The following MCF2L2 variants were observed in gnomAD, a reference collection of about 807,000 sequenced individuals.
The protein encoded by MCF2L2 is MCF.2 cell line derived transforming sequence-like 2.
A neutral mutation model predicts 150.2 loss-of-function variants in MCF2L2; 102 were observed. That is an observed-to-expected ratio of 0.68 (90% confidence interval 0.58 to 0.80). The LOEUF (loss-of-function observed/expected upper bound fraction) is 0.80, where lower values mean the gene tolerates loss of function less well. MCF2L2 is among the 30% of genes least tolerant of loss of function. The pLI is 0.00. For missense variants in MCF2L2, 1,256 were observed against 1,372.8 expected, an observed-to-expected ratio of 0.91 and a Z score of 1.34; for synonymous variants, 465 against 491.3, an observed-to-expected ratio of 0.95 and a Z score of 0.71.
At chr3:183,362,864 TAAG>T (rs1243989016) in intron 3 of MCF2L2, among the ~76,000 whole-genome samples, 1 of 152,098 alleles carries the variant, frequency 6.6e-6, no homozygotes, top group Admixed American at 6.5e-5. Context: ...TTCAGTAGAA[TAAG>T]AAGACGACAC....
rs932096965 is a variant in MCF2L2, at chr3:183,428,240, G to A, written c.-263C>T. 4 of 445,976 alleles carry A rather than the reference G, an allele frequency of 9.0e-6. No individual in the cohort carries two copies. The highest frequency in any genetic ancestry group is 1.6e-5 in the Non-Finnish European group (4 of 251,578). 27.6% of individuals were successfully genotyped at this position (445,976 alleles called of 1,614,324 possible). ...GAGAGGAGCGGCCGTTCTGCAAAAG[G>A]AAGCAAGTCGCCAATCTCGCCGGAA... is the stretch of plus-strand genomic sequence containing the variant. On this transcript the variant is annotated 5_prime_UTR_variant, in exon 1 of 30. Coordinates refer to ENST00000328913, the MANE Select transcript of MCF2L2 (RefSeq NM_015078.4). The surrounding 1 kb of genome is among the most constrained non-coding windows in gnomAD (Gnocchi z 5.1).
intron 3 of MCF2L2, chr3:183,373,440 T>G (rs1034015244): frequency 6.6e-6 from 1 of 152,204 alleles, no homozygotes; most frequent in African/African-American, 2.4e-5. Flanking sequence ...AGAACTGTGA[T>G]AGCAAAAGTA....
At chr3:183,220,015 G>T in intron 20 of MCF2L2, 91 bp from the exon 21 acceptor site, 1 of 865,516 alleles carries the variant, frequency 1.2e-6, no homozygotes, top group Non-Finnish European at 2.0e-6. Context: ...CAAACTATCT[G>T]CCACCAATGC....
intron 15 of MCF2L2, chr3:183,272,474 T>G (rs1305065763): frequency 4.0e-6 from 4 of 999,464 alleles, no homozygotes; most frequent in Non-Finnish European, 4.8e-6. Flanking sequence ...TGAATGATGA[T>G]ACTTACAATT....
Position 183,229,928 on chromosome 3 carries a change from C to A in MCF2L2, c.1930-147G>T, listed in dbSNP as rs1266040701. The A allele has an allele frequency of 9.3e-6, 4 of 429,600 alleles. No homozygotes were observed. The Admixed American group carries it at 1.3e-4, about 14-fold the overall frequency. 26.6% of individuals were successfully genotyped at this position (429,600 alleles called of 1,614,324 possible). A position where few individuals can be genotyped will look rare whatever the true frequency, so the allele number is the denominator to read the frequency against. ...TGAAAGCTATCGTATTGAGTACTTT[C>A]TTTTGATATCATTTTCCTCATGTGC... On this transcript the variant is annotated intron_variant, in intron 16 of 29. Coordinates refer to ENST00000328913, the MANE Select transcript of MCF2L2 (RefSeq NM_015078.4).
intron 15 of MCF2L2, among the ~76,000 whole-genome samples, chr3:183,231,834 C>A (rs969821002): frequency 6.6e-6 from 1 of 152,156 alleles, no homozygotes; most frequent in Non-Finnish European, 1.5e-5. Flanking sequence ...CTTCCTCTGG[C>A]ATTGGATGTT....
rs769214520 is a variant in MCF2L2, at chr3:183,341,550, G to A, written c.356C>T (p.Thr119Ile). The change falls in exon 4 of 30, where the codon ACA becomes ATA. Residue 119 changes from threonine (T) to isoleucine (I), a missense_variant. Physicochemically the swap from Thr to Ile is moderately conservative, Grantham distance 89. Coordinates refer to ENST00000328913, the MANE Select transcript of MCF2L2 (RefSeq NM_015078.4). ...AAAATAAATATTTACAGCTATTCGT[G>A]TCAAGGATGCCTTTACGGAGCTCCA... Reference protein sequence around the residue: ...DKWSSVKASLTRIAVAFPGNL... With the variant: ...DKWSSVKASLIRIAVAFPGNL... The A allele has an allele frequency of 1.2e-6, 2 of 1,610,968 alleles. No homozygotes were observed. Among genetic ancestry groups the A allele is most frequent in the Non-Finnish European group, 1.7e-6 (2 of 1,177,106 alleles).
chr3:183,207,658 G>A lies in MCF2L2; in HGVS notation c.2662C>T (p.Pro888Ser). The A allele has an allele frequency of 6.2e-7, 1 of 1,614,180 alleles. No individual in the cohort carries two copies. Among genetic ancestry groups the A allele is most frequent in the East Asian group, 2.2e-5 (1 of 44,890 alleles). The change falls in exon 23 of 30, where the codon CCT (proline) becomes TCT (serine). Residue 888 changes from proline (P) to serine (S), a missense_variant. By Grantham distance (74) the Pro-to-Ser change is moderately conservative. Coordinates refer to ENST00000328913, the MANE Select transcript of MCF2L2 (RefSeq NM_015078.4). Reference protein sequence around the residue: ...GIVFCKIRMEPGDQGLSPHYS... With the variant: ...GIVFCKIRMESGDQGLSPHYS... ...TGAGGAGATAATCCCTGGTCCCCAG[G>A]CTCCATTCGTATCTTACAGAACACT...
intron 3 of MCF2L2, chr3:183,377,780 A>C (rs1305277845): frequency 6.6e-6 from 1 of 152,190 alleles, no homozygotes; most frequent in Non-Finnish European, 1.5e-5. Context: ...TCAGGCCTAG[A>C]AGAGGGGCAG....
At chr3:183,261,110 T>C (rs1165169121) in intron 15 of MCF2L2, among the ~76,000 whole-genome samples, 3 of 152,238 alleles carry the variant, frequency 2.0e-5, no homozygotes, top group Non-Finnish European at 2.9e-5. Context: ...TCCTTCCTCC[T>C]TGAGCAAACA....
intron 15 of MCF2L2, among the ~76,000 whole-genome samples, chr3:183,232,187 C>T (rs1218276861): frequency 2.0e-5 from 3 of 152,056 alleles, no homozygotes; most frequent in Admixed American, 1.3e-4. Flanking sequence ...TGTGGGCAGC[C>T]GTAGGAACTG....
chr3:183,288,001 T>G (rs1727891938), intron 14 of MCF2L2: 1 of 152,212 alleles, frequency 6.6e-6, no homozygotes, highest in African/African-American at 2.4e-5. Context: ...TATTTAAATT[T>G]TAGTGAGGCA....
At chr3:183,232,745 C>T (rs1377190565) in intron 15 of MCF2L2, among the ~76,000 whole-genome samples, 2 of 152,144 alleles carry the variant, frequency 1.3e-5, no homozygotes, top group African/African-American at 4.8e-5. Context: ...AAAAAATACT[C>T]AGTACATACA....
chr3:183,351,957 G>GCT (rs759421210), intron 3 of MCF2L2, among the ~76,000 whole-genome samples: 5 of 152,086 alleles, frequency 3.3e-5, no homozygotes, highest in Admixed American at 6.6e-5. Flanking sequence ...ACTTCAAGTC[G>GCT]CTAGGGACCA....
At chr3:183,210,443 G>A (rs61686929) in intron 22 of MCF2L2, among the ~76,000 whole-genome samples, 5,883 of 152,242 alleles carry the variant, frequency 0.039, 370 homozygotes, top group African/African-American at 0.13. Flanking sequence ...TACACAAACC[G>A]GTTGTTCAGG....
At chr3:183,272,362 A>G in intron 15 of MCF2L2, 3 of 1,000,262 alleles carry the variant, frequency 3.0e-6, no homozygotes, top group South Asian at 4.7e-5. Flanking sequence ...AAGGCCTTTG[A>G]CTGCAGAGGC....
intron 25 of MCF2L2, among the ~76,000 whole-genome samples, chr3:183,205,107 G>T (rs143577677): frequency 1.1e-3 from 171 of 152,290 alleles, no homozygotes; most frequent in African/African-American, 4.0e-3. Context: ...ACAGCTGGGC[G>T]CAGTGGCTCA....
Position 183,331,905 on chromosome 3 carries a change from A to G in MCF2L2, c.486+6895T>C, listed in dbSNP as rs575215980. Reference sequence around the variant, plus strand: ...CAAAAACCATTTACTACATGAAAGTACTTCCCCTCCATAGATAAAGGTAGA... The same window carrying G: ...CAAAAACCATTTACTACATGAAAGTGCTTCCCCTCCATAGATAAAGGTAGA... On this transcript the variant is annotated intron_variant, in intron 5 of 29. Transcript: ENST00000328913. Among the ~76,000 whole-genome samples, 3 of 152,314 alleles carry G rather than the reference A, an allele frequency of 2.0e-5. No homozygotes were observed. The South Asian group carries it at 6.2e-4, about 32-fold the overall frequency.
At position 183,181,499 on chromosome 3, in the gene MCF2L2, G is replaced by A. The variant is rs766402821; in HGVS notation, c.3017-1340C>T. Among the ~76,000 whole-genome samples, 2 of 152,154 alleles carry A rather than the reference G, an allele frequency of 1.3e-5. No homozygotes were observed. The highest frequency in any genetic ancestry group is 2.9e-5 in the Non-Finnish European group (2 of 68,012). On this transcript the variant is annotated intron_variant, in intron 27 of 29. Coordinates refer to ENST00000328913, the MANE Select transcript of MCF2L2 (RefSeq NM_015078.4). This position sits in a 1 kb window ranked among gnomAD's most constrained non-coding sequence, Gnocchi z 4.3. ...AGGGCAGAGGAGAAACTGCCTCAGGGATGTGCCCCCTGCCTTCATCCTCCA... is the reference window on the plus strand; with the variant it reads ...AGGGCAGAGGAGAAACTGCCTCAGGAATGTGCCCCCTGCCTTCATCCTCCA...
Sources: gnomAD v4.1 joint callset for allele counts (sites outside exome capture counted in the v4.1 genomes callset) on GRCh38, gnomAD v4.1.1 for gene constraint, Gnocchi (gnomAD v3.1) non-coding constraint, MANE v1.5 for transcripts, NCBI Gene and HGNC (gene_info 2026-07-23, HGNC 2026-07-21) for gene names.